The following PRPH2 variants were observed in gnomAD, a reference collection of about 807,000 sequenced individuals.
The protein encoded by PRPH2 is peripherin-2.
PRPH2 carries 17 observed loss-of-function variants against 31.3 expected under a neutral mutation model. That is an observed-to-expected ratio of 0.54 (90% CI 0.37 to 0.81). PRPH2 has a LOEUF of 0.81. Ranked by LOEUF, PRPH2 falls within the 40% of genes least tolerant of loss-of-function variation. The probability of loss-of-function intolerance (pLI) is 0.00; values close to 1 mark genes in which losing one functional copy is unlikely to be tolerated. For missense variants in PRPH2, 430 were observed against 439.7 expected (o/e 0.98, Z 0.20); for synonymous variants, 165 against 184.4 (o/e 0.89, Z 0.85).
chr6:42,717,137 G>A (rs943204242), intron 1 of PRPH2, among the ~76,000 whole-genome samples: 1 of 150,226 alleles, frequency 6.7e-6, no homozygotes, highest in Admixed American at 6.6e-5. Flanking sequence ...TTGTGGCCAG[G>A]AGCGGTGGCT....
At chr6:42,717,923 T>C (rs558114455) in intron 1 of PRPH2, among the ~76,000 whole-genome samples, 5 of 152,116 alleles carry the variant, frequency 3.3e-5, no homozygotes, top group Non-Finnish European at 7.3e-5. Flanking sequence ...CCCAGCACTT[T>C]GGGAGGTTGA....
At chr6:42,709,779 T>C (rs188596779) in intron 1 of PRPH2, among the ~76,000 whole-genome samples, 1 of 152,248 alleles carries the variant, frequency 6.6e-6, no homozygotes, top group Admixed American at 6.5e-5. Flanking sequence ...CAAGGCCCTT[T>C]CCAGCCAGGT....
chr6:42,710,365 T>C (rs1800253355), intron 1 of PRPH2, among the ~76,000 whole-genome samples: 1 of 152,138 alleles, frequency 6.6e-6, no homozygotes, highest in African/African-American at 2.4e-5. Flanking sequence ...CAGGTCAGCC[T>C]GGGGGAAAAG....
At chr6:42,716,919 CT>C (rs1761794553) in intron 1 of PRPH2, among the ~76,000 whole-genome samples, 1 of 114,238 alleles carries the variant, frequency 8.8e-6, no homozygotes, top group Non-Finnish European at 1.7e-5. Flanking sequence ...CTCACCGGGC[CT>C]TTTTTCTTTT....
At chr6:42,701,682 A>ATTTGT (rs1800047746) in intron 2 of PRPH2, among the ~76,000 whole-genome samples, 1 of 78,516 alleles carries the variant, frequency 1.3e-5, no homozygotes, top group Non-Finnish European at 2.3e-5. Flanking sequence ...ACGTCCAGCA[A>ATTTGT]TTTTTTTTTT....
chr6:42,702,282 CT>C (rs1415915417), intron 2 of PRPH2, among the ~76,000 whole-genome samples: 2 of 151,622 alleles, frequency 1.3e-5, no homozygotes, highest in Middle Eastern at 3.4e-3. Context: ...TACAGTCACC[CT>C]TTAGTTTCAT....
chr6:42,701,185 C>T (rs1435407390), intron 2 of PRPH2, among the ~76,000 whole-genome samples: 4 of 152,050 alleles, frequency 2.6e-5, no homozygotes, highest in Non-Finnish European at 4.4e-5. Flanking sequence ...AGTGCAATGG[C>T]GTGATCTCGG....
Position 42,709,349 on chromosome 6 carries a change from A to C in PRPH2, c.582-4738T>G, listed in dbSNP as rs144319453. On this transcript the variant is annotated intron_variant, in intron 1 of 2. Coordinates refer to ENST00000230381, the MANE Select transcript of PRPH2 (RefSeq NM_000322.5). ...TGTCTCAAATTAAAAAAAAAAAAAAAAAAAAACTTGGGTCCAGCCCACAGC... is the reference window on the plus strand; with the variant it reads ...TGTCTCAAATTAAAAAAAAAAAAAACAAAAAACTTGGGTCCAGCCCACAGC... 5.3e-3 allele frequency among the ~76,000 whole-genome samples: 783 copies of C among 147,776 alleles called. 39 individuals carry two copies. The East Asian group carries it at 0.12, about 23-fold the overall frequency.
At chr6:42,706,265 CG>C (rs1187543200) in intron 1 of PRPH2, among the ~76,000 whole-genome samples, 1 of 151,866 alleles carries the variant, frequency 6.6e-6, no homozygotes, top group African/African-American at 2.4e-5. Flanking sequence ...ATTAGCTGGG[CG>C]TTGTGGCGGG....
chr6:42,719,180 T>G (rs999908287), intron 1 of PRPH2, among the ~76,000 whole-genome samples: 2 of 151,874 alleles, frequency 1.3e-5, no homozygotes, highest in African/African-American at 4.8e-5. Context: ...TTTTTTTTTT[T>G]TTCTTTGAGA....
chr6:42,706,364 C>T (rs1288538495), intron 1 of PRPH2, among the ~76,000 whole-genome samples: 1 of 151,006 alleles, frequency 6.6e-6, no homozygotes, highest in Non-Finnish European at 1.5e-5. Context: ...GAGATCACGC[C>T]ATTGTACTCC....
In PRPH2 at chr6:42,722,228, C is replaced by T. The variant is rs201018137; in HGVS notation, c.107G>A (p.Ser36Asn). 1 of 1,614,174 alleles carries T rather than the reference C, an allele frequency of 6.2e-7. No individual in the cohort carries two copies. Residue 36 changes from serine (S) to asparagine (N), a missense_variant, in exon 1 of 3, where the codon AGC (serine) becomes AAC (asparagine). Physicochemically the swap from Ser to Asn is conservative, Grantham distance 46 (BLOSUM62 1). Coordinates refer to ENST00000230381, the MANE Select transcript of PRPH2 (RefSeq NM_000322.5). The surrounding 1 kb of genome is among the most constrained non-coding windows in gnomAD (Gnocchi z 4.4). ...TTCAATCTTCAGGAACAGTCCTAGG[C>T]TGAAGATGATGATGCCAGCCAACAC... ...FSVLAGIIIF[S>N]LGLFLKIELR... is the part of the protein sequence containing the mutation.
chr6:42,712,417 G>A (rs1761683809), intron 1 of PRPH2, among the ~76,000 whole-genome samples: 1 of 152,052 alleles, frequency 6.6e-6, no homozygotes, highest in Non-Finnish European at 1.5e-5. Context: ...AAACAAAAGG[G>A]CAAAAAACAA....
chr6:42,706,603 A>G (rs994941002), intron 1 of PRPH2, among the ~76,000 whole-genome samples: 1 of 104,410 alleles, frequency 9.6e-6, no homozygotes, highest in Non-Finnish European at 2.0e-5. Flanking sequence ...AAAAAGAAAG[A>G]AAGGAAAAAG....
In PRPH2 at chr6:42,701,414, C is replaced by T. The variant is rs745726068; in HGVS notation, c.829-2907G>A. Among the ~76,000 whole-genome samples the T allele has an allele frequency of 5.9e-5, 9 of 152,076 alleles. No homozygotes were observed. The South Asian group carries it at 6.2e-4, about 11-fold the overall frequency. On this transcript the variant is annotated intron_variant, in intron 2 of 2. Coordinates refer to ENST00000230381, the MANE Select transcript of PRPH2 (RefSeq NM_000322.5). ...CTGAGATTACAGGCATAAGCCACCGCGCCTGGCCGTCATTTTTGTGTTTTT... is the reference window on the plus strand; with the variant it reads ...CTGAGATTACAGGCATAAGCCACCGTGCCTGGCCGTCATTTTTGTGTTTTT...
At chr6:42,716,962 CTTTTT>C (rs1161769235) in intron 1 of PRPH2, among the ~76,000 whole-genome samples, 26 of 45,208 alleles carry the variant, frequency 5.8e-4, no homozygotes, top group East Asian at 4.7e-3. Context: ...TCTTTCTTTT[CTTTTT>C]TTTTTTTTTT....
In PRPH2 at chr6:42,704,482, G is replaced by T; in HGVS notation, c.711C>A (p.Asp237Glu). The change falls in exon 2 of 3, where the codon GAC (aspartate) becomes GAA (glutamate). Residue 237 changes from aspartate (D) to glutamate (E), a missense_variant. Physicochemically the swap from Asp to Glu is conservative, Grantham distance 45 (BLOSUM62 2). Transcript: ENST00000230381. ...ITNNSAHYSY[D>E]HQTEELNLWV... ...ACAGGTTGAGCTCCTCCGTCTGGTG[G>T]TCGTAACTGTAGTGTGCTGAGTTGT... The T allele has an allele frequency of 6.2e-7, 1 of 1,614,124 alleles. No individual in the cohort carries two copies. The highest frequency in any genetic ancestry group is 8.5e-7 in the Non-Finnish European group (1 of 1,180,004).
At chr6:42,717,728 T>G (rs1761815588) in intron 1 of PRPH2, among the ~76,000 whole-genome samples, 1 of 152,104 alleles carries the variant, frequency 6.6e-6, no homozygotes, top group Non-Finnish European at 1.5e-5. Flanking sequence ...TCTCATTCAT[T>G]CCTTCTTTCA....
chr6:42,704,165 G>GAATAAATAAATA (rs59389246), intron 2 of PRPH2, among the ~76,000 whole-genome samples, 200 bp downstream of exon 2: 116 of 150,236 alleles, frequency 7.7e-4, no homozygotes, highest in African/African-American at 1.8e-3. Context: ...AGAAATAAAT[G>GAATAAATAAATA]AATAAATAAA....
Sources: gnomAD v4.1 joint callset for allele counts (sites outside exome capture counted in the v4.1 genomes callset) on GRCh38, gnomAD v4.1.1 for gene constraint, Gnocchi (gnomAD v3.1) non-coding constraint, MANE v1.5 for transcripts, NCBI Gene and HGNC (gene_info 2026-07-23, HGNC 2026-07-21) for gene names.